Variants in PRKG1 observed in about 807,000 individuals in gnomAD.
PRKG1 encodes the protein cGMP-dependent protein kinase 1.
PRKG1 carries 35 observed loss-of-function variants against 88.1 expected under a neutral mutation model. That is an observed-to-expected ratio of 0.40 (90% confidence interval 0.30 to 0.53). The LOEUF is 0.53. PRKG1 is among the 20% of genes least tolerant of loss of function. The pLI, the probability that PRKG1 is intolerant of heterozygous loss-of-function variation, is 0.59. For synonymous variants in PRKG1, 303 were observed against 292.5 expected (o/e 1.04, Z -0.37); for missense variants, 540 against 839.8 (o/e 0.64, Z 4.41).
At chr10:52,099,947 A>C (rs771797922) in intron 7 of PRKG1, among the ~76,000 whole-genome samples, 2 of 152,196 alleles carry the variant, frequency 1.3e-5, no homozygotes, top group Non-Finnish European at 2.9e-5. Context: ...TTTGGATTTC[A>C]TTATTCTTAT....
chr10:51,570,981 A>C (rs976633545), intron 3 of PRKG1, among the ~76,000 whole-genome samples: 1 of 151,990 alleles, frequency 6.6e-6, no homozygotes, highest in African/African-American at 2.4e-5. Flanking sequence ...AAATATATTT[A>C]TAATTTAGGT....
intron 5 of PRKG1, among the ~76,000 whole-genome samples, chr10:52,038,301 G>A (rs146385395): frequency 0.013 from 1,974 of 151,884 alleles, 42 homozygotes; most frequent in African/African-American, 0.044. Context: ...GAAGGGGTTC[G>A]GGGGTTCTTA....
chr10:51,719,303 TAACTTTATAATGGAGA>T (rs1240756368), intron 3 of PRKG1, among the ~76,000 whole-genome samples: 3 of 152,120 alleles, frequency 2.0e-5, no homozygotes, highest in Non-Finnish European at 2.9e-5. Context: ...GAAAAAGCAG[TAACTTTATAATGGAGA>T]AACCTGGGAG....
intron 2 of PRKG1, among the ~76,000 whole-genome samples, chr10:51,198,926 T>C (rs1039128003): frequency 8.5e-5 from 13 of 152,246 alleles, no homozygotes; most frequent in Admixed American, 3.3e-4. Flanking sequence ...AAGAATCATT[T>C]TTTTAAGCAC....
rs185042575 is a variant in PRKG1, at chr10:51,531,955, T to A, written c.592+64119T>A. Among the ~76,000 whole-genome samples the A allele has an allele frequency of 1.7e-4, 26 of 152,208 alleles. 1 individual carries two copies. The East Asian group carries it at 4.4e-3, about 26-fold the overall frequency. On this transcript the variant is annotated intron_variant, in intron 3 of 17. Coordinates refer to ENST00000373980, the MANE Select transcript of PRKG1 (RefSeq NM_006258.4). ...ACCGTGCCCTGCCAAAGAATTTTTT[T>A]AAAAAAATGACAGTCAGGACACTCG...
intron 9 of PRKG1, among the ~76,000 whole-genome samples, chr10:52,239,851 T>C (rs1425595599): frequency 6.6e-6 from 1 of 152,104 alleles, no homozygotes; most frequent in Non-Finnish European, 1.5e-5. Context: ...AGACAAGACA[T>C]TGAGTTGTTC....
At chr10:51,452,143 C>T (rs1839455491) in intron 2 of PRKG1, among the ~76,000 whole-genome samples, 1 of 151,872 alleles carries the variant, frequency 6.6e-6, no homozygotes, top group African/African-American at 2.4e-5. Flanking sequence ...GCATTCATCA[C>T]CACAGTCAAA....
intron 2 of PRKG1, among the ~76,000 whole-genome samples, chr10:51,224,571 A>G (rs1258592770): frequency 6.6e-6 from 1 of 152,090 alleles, no homozygotes; most frequent in Non-Finnish European, 1.5e-5. Context: ...ACATAAGAAC[A>G]CATTTACTTT....
intron 4 of PRKG1, among the ~76,000 whole-genome samples, chr10:51,841,869 G>A (rs1840285125): frequency 6.6e-6 from 1 of 152,128 alleles, no homozygotes; most frequent in South Asian, 2.1e-4. Context: ...TTTTAGTCAA[G>A]ATGGGGTTTT....
At chr10:51,520,714 A>G (rs1049984939) in intron 3 of PRKG1, among the ~76,000 whole-genome samples, 1 of 152,342 alleles carries the variant, frequency 6.6e-6, no homozygotes, top group African/African-American at 2.4e-5. Context: ...CTACAATCCT[A>G]TGAATGATTT....
chr10:51,056,080 T>G (rs781191725), intron 1 of PRKG1, among the ~76,000 whole-genome samples: 32 of 152,158 alleles, frequency 2.1e-4, no homozygotes, highest in Non-Finnish European at 4.3e-4. Flanking sequence ...AAAGGAAATA[T>G]CTGGAGCCTT....
At chr10:51,437,091 A>T (rs993993553) in intron 2 of PRKG1, among the ~76,000 whole-genome samples, 8 of 151,984 alleles carry the variant, frequency 5.3e-5, no homozygotes, top group Admixed American at 4.6e-4. Context: ...CGATTGCTTG[A>T]ATTGTGTTTG....
chr10:51,459,185 T>G (rs1839674971), intron 2 of PRKG1, among the ~76,000 whole-genome samples: 1 of 152,118 alleles, frequency 6.6e-6, no homozygotes, highest in South Asian at 2.1e-4. Context: ...GCAGTAGATC[T>G]TCCCTCAAGC....
chr10:51,475,790 T>G (rs1212070827), intron 3 of PRKG1, among the ~76,000 whole-genome samples: 1 of 151,994 alleles, frequency 6.6e-6, no homozygotes, highest in African/African-American at 2.4e-5. Flanking sequence ...GCCATGTTGT[T>G]AACAAAAATC....
At chr10:51,234,104 T>A (rs1418332543) in intron 2 of PRKG1, among the ~76,000 whole-genome samples, 3 of 152,178 alleles carry the variant, frequency 2.0e-5, no homozygotes, top group African/African-American at 7.2e-5. Context: ...TATGTGACTT[T>A]AAATAAGCTT....
intron 5 of PRKG1, among the ~76,000 whole-genome samples, chr10:51,997,465 G>T (rs1844477888): frequency 7.8e-6 from 1 of 128,578 alleles, no homozygotes; most frequent in Admixed American, 7.6e-5. Context: ...GTGAGACTCT[G>T]TCTCAAAAAA....
intron 4 of PRKG1, among the ~76,000 whole-genome samples, chr10:51,808,433 AAAAAATAG>A (rs1839364501): frequency 6.6e-6 from 1 of 152,116 alleles, no homozygotes; most frequent in East Asian, 1.9e-4. Flanking sequence ...CTGTCTCTGC[AAAAAATAG>A]AAAAATAGAA....
intron 4 of PRKG1, among the ~76,000 whole-genome samples, chr10:51,826,815 G>C (rs1839891951): frequency 6.7e-6 from 1 of 150,182 alleles, no homozygotes; most frequent in Non-Finnish European, 1.5e-5. Flanking sequence ...GAATTATTTG[G>C]GAAGTAGCTT....
At chr10:51,102,023 G>T (rs1382985850) in intron 1 of PRKG1, among the ~76,000 whole-genome samples, 1 of 152,132 alleles carries the variant, frequency 6.6e-6, no homozygotes, top group African/African-American at 2.4e-5. Context: ...TGTGGTATTT[G>T]CCAATTTCTG....
Sources: gnomAD v4.1 joint callset for allele counts (sites outside exome capture counted in the v4.1 genomes callset) on GRCh38, gnomAD v4.1.1 for gene constraint, MANE v1.5 for transcripts, NCBI Gene and HGNC (gene_info 2026-07-23, HGNC 2026-07-21) for gene names.